SCAF11: variants seen among roughly 807,000 people sequenced by gnomAD.
SCAF11 encodes protein SCAF11.
SCAF11 carries 47 observed loss-of-function variants against 140.5 expected under a neutral mutation model. That is an observed-to-expected ratio of 0.33 (90% CI 0.26 to 0.43). The LOEUF is 0.43. Ranked by LOEUF, SCAF11 falls within the 20% of genes least tolerant of loss-of-function variation. The pLI is 1.00. For synonymous variants in SCAF11, 557 were observed against 579.4 expected, an observed-to-expected ratio of 0.96 and a Z score of 0.55; for missense variants, 1,645 against 1,705.1, an observed-to-expected ratio of 0.96 and a Z score of 0.62.
intron 1 of SCAF11, among the ~76,000 whole-genome samples, chr12:45,973,737 C>T (rs966638876): frequency 1.3e-5 from 2 of 152,080 alleles, no homozygotes; most frequent in African/African-American, 4.8e-5. Flanking sequence ...ACCTAAAATC[C>T]TCTATCTAGT....
At chr12:45,940,746 GA>G (rs1480021573) in intron 6 of SCAF11, among the ~76,000 whole-genome samples, 2 of 152,068 alleles carry the variant, frequency 1.3e-5, no homozygotes, top group African/African-American at 2.4e-5. Flanking sequence ...GTATCTCAAT[GA>G]AAAAAACTTT....
At chr12:45,972,870 A>ATATATC (rs1946112626) in intron 1 of SCAF11, among the ~76,000 whole-genome samples, 1 of 79,286 alleles carries the variant, frequency 1.3e-5, no homozygotes, top group African/African-American at 6.2e-5. Flanking sequence ...ATATCGATAT[A>ATATATC]TATATATATA....
intron 6 of SCAF11, among the ~76,000 whole-genome samples, chr12:45,943,416 A>G (rs1945350615): frequency 6.6e-6 from 1 of 152,332 alleles, no homozygotes; most frequent in South Asian, 2.1e-4. Flanking sequence ...TAAGTACAAT[A>G]AGAAATTTTG....
At chr12:45,958,746 A>C (rs1322986437) in intron 3 of SCAF11, among the ~76,000 whole-genome samples, 1 of 152,186 alleles carries the variant, frequency 6.6e-6, no homozygotes, top group Non-Finnish European at 1.5e-5. Flanking sequence ...ACCCTGAAAC[A>C]TTTTGCCCTA....
chr12:45,987,176 A>G (rs906001221), intron 1 of SCAF11, among the ~76,000 whole-genome samples: 2 of 152,208 alleles, frequency 1.3e-5, no homozygotes, highest in African/African-American at 2.4e-5. Context: ...CCTGGGCACC[A>G]AAGTGAGAGC....
rs1041074633 is a variant in SCAF11, at chr12:45,921,840, G to C, written c.*208C>G. The C allele has an allele frequency of 1.1e-5, 6 of 528,396 alleles. No individual in the cohort carries two copies. The highest frequency in any genetic ancestry group is 1.9e-5 in the African/African-American group (1 of 52,040). 32.7% of individuals were successfully genotyped at this position (528,396 alleles called of 1,614,324 possible). ...AACCCTTTACTTTCCCTTGAATTTT[G>C]TGGGGGAGGGTGGAGGGGAAGGAAG... On this transcript the variant is annotated 3_prime_UTR_variant, in exon 15 of 15. Transcript: ENST00000369367.
In SCAF11 at chr12:45,926,369, C is replaced by T; in HGVS notation, c.3332G>A (p.Gly1111Glu). The change falls in exon 11 of 15, where the codon GGG (glycine) becomes GAG (glutamate). Residue 1111 changes from glycine to glutamate, a missense_variant. Physicochemically the swap from Gly to Glu is moderately conservative, Grantham distance 98 (BLOSUM62 -2). Coordinates refer to ENST00000369367, the MANE Select transcript of SCAF11 (RefSeq NM_004719.3). ...TTCCACAAACTTGAAAGATTCACTC[C>T]CTGAACTGTTTGAATTCCCTGAGAG... Reference protein sequence around the residue: ...KPLSGNSNSSGSESFKFVEQQ... With the variant: ...KPLSGNSNSSESESFKFVEQQ... 6.2e-7 allele frequency: 1 copy of T among 1,614,178 alleles called. No homozygotes were observed. Among genetic ancestry groups the T allele is most frequent in the Non-Finnish European group, 8.5e-7 (1 of 1,180,026 alleles).
chr12:45,985,881 A>G (rs986018271), intron 1 of SCAF11, among the ~76,000 whole-genome samples: 2 of 152,082 alleles, frequency 1.3e-5, no homozygotes, highest in Non-Finnish European at 2.9e-5. Flanking sequence ...AATTTTTTTT[A>G]GTTCTTACCT....
chr12:45,958,196 T>C (rs541367167), intron 3 of SCAF11, among the ~76,000 whole-genome samples: 21 of 152,246 alleles, frequency 1.4e-4, no homozygotes, highest in East Asian at 5.8e-4. Context: ...TGAGCCATCA[T>C]GCCTGGCCAA....
intron 2 of SCAF11, among the ~76,000 whole-genome samples, chr12:45,963,812 TTTTTTTCTTTTTTAAAA>T (rs1945878091): frequency 6.6e-6 from 1 of 152,088 alleles, no homozygotes; most frequent in African/African-American, 2.4e-5. Flanking sequence ...CAACGCTAAC[TTTTTTTCTTTTTTAAAA>T]AGACAGGGAC....
In SCAF11 at chr12:45,945,266, T is replaced by C; in HGVS notation, c.446A>G (p.Asp149Gly). 6.3e-7 allele frequency: 1 copy of C among 1,580,680 alleles called. No homozygotes were observed. Among genetic ancestry groups the C allele is most frequent in the Non-Finnish European group, 8.6e-7 (1 of 1,162,992 alleles). ...REDLLSAKVC[D>G]LKWIHRNSLY... Reference sequence around the variant, plus strand: ...TAACTTACTATGTATCCACTTCAAGTCACAAACTTTTGCACTTAATAGATC... The same window carrying C: ...TAACTTACTATGTATCCACTTCAAGCCACAAACTTTTGCACTTAATAGATC... Residue 149 changes from aspartate (D) to glycine (G), a missense_variant, in exon 6 of 15, where the codon GAC becomes GGC. Asp to Gly is a moderately conservative substitution (Grantham distance 94). Coordinates refer to ENST00000369367, the MANE Select transcript of SCAF11 (RefSeq NM_004719.3).
At chr12:45,950,483 G>A (rs1343969945) in intron 4 of SCAF11, among the ~76,000 whole-genome samples, 1 of 152,054 alleles carries the variant, frequency 6.6e-6, no homozygotes, top group Non-Finnish European at 1.5e-5. Flanking sequence ...TAATTTCACA[G>A]AAAAATATAT....
chr12:45,980,151 T>C (rs1946319400), intron 1 of SCAF11, among the ~76,000 whole-genome samples: 1 of 152,182 alleles, frequency 6.6e-6, no homozygotes, highest in African/African-American at 2.4e-5. Context: ...CAGCATTAAG[T>C]AGTAGGACTG....
At chr12:45,959,719 A>G (rs1014016161) in intron 3 of SCAF11, among the ~76,000 whole-genome samples, 1 of 152,228 alleles carries the variant, frequency 6.6e-6, no homozygotes, top group Admixed American at 6.5e-5. Context: ...CTTAGTCTAC[A>G]TGATTTTTTT....
At chr12:45,923,260 A>G in intron 12 of SCAF11, 106 bp from the exon 13 acceptor site, 5 of 872,820 alleles carry the variant, frequency 5.7e-6, no homozygotes, top group Non-Finnish European at 8.8e-6. Flanking sequence ...AACCAACCTT[A>G]GTACTAAAGA....
Position 45,919,625 on chromosome 12 carries a change from A to G in SCAF11, c.*2423T>C, listed in dbSNP as rs1408606566. 6.6e-6 allele frequency: 1 copy of G among 152,238 alleles called. No individual in the cohort carries two copies. Among genetic ancestry groups the G allele is most frequent in the Non-Finnish European group, 1.5e-5 (1 of 68,030 alleles). The allele number at this position is 152,238 out of a possible 1,614,324, so 9.4% of individuals were successfully genotyped here. On this transcript the variant is annotated 3_prime_UTR_variant, in exon 15 of 15. Transcript: ENST00000369367. The stretch of plus-strand genomic sequence containing the variant: ...AATATTAAAGCAATGTATTTTTTCA[A>G]CATAAAGCATGCATTTTCTAATACA...
chr12:45,986,012 G>A (rs1281672201), intron 1 of SCAF11, among the ~76,000 whole-genome samples: 1 of 152,000 alleles, frequency 6.6e-6, no homozygotes, highest in Non-Finnish European at 1.5e-5. Context: ...GATCTTCACG[G>A]TATTCTCTGG....
At chr12:45,934,039 C>A in intron 8 of SCAF11, 137 bp downstream of exon 8, 1 of 540,156 alleles carries the variant, frequency 1.9e-6, no homozygotes, top group Non-Finnish European at 3.2e-6. Context: ...TCCCCCCCGC[C>A]CAAAAAAAAA....
intron 3 of SCAF11, chr12:45,956,139 G>A (rs1469058487): frequency 4.2e-6 from 3 of 716,406 alleles, no homozygotes; most frequent in African/African-American, 1.7e-5. Flanking sequence ...CTAATTTCTC[G>A]CTTCCTCCTG....
Sources: allele counts gnomAD v4.1 joint callset (sites outside exome capture counted in the v4.1 genomes callset), GRCh38; gene constraint gnomAD v4.1.1; transcripts MANE v1.5; gene names NCBI Gene and HGNC (gene_info 2026-07-23, HGNC 2026-07-21).